CLASP2: variants seen among roughly 807,000 people sequenced by gnomAD.
The protein encoded by CLASP2 is CLIP-associating protein 2.
In CLASP2, 47 loss-of-function variants were observed where a neutral mutation model predicts 194.4. The ratio of observed to expected loss-of-function variants is 0.24; its 90% confidence interval spans 0.19 to 0.31. The LOEUF is 0.31. CLASP2 is among the 10% of genes least tolerant of loss of function. The pLI is 1.00. For synonymous variants in CLASP2, 619 were observed against 633.5 expected, an observed-to-expected ratio of 0.98 and a Z score of 0.34; for missense variants, 1,445 against 1,823.6, an observed-to-expected ratio of 0.79 and a Z score of 3.78.
Position 33,498,708 on chromosome 3 carries a change from G to A in CLASP2, c.4444C>T (p.Leu1482=), listed in dbSNP as rs376114442. The change falls in exon 39 of 39, where the codon CTG becomes TTG. Residue 1482 remains leucine, a synonymous_variant. Coordinates refer to ENST00000682230, the MANE Select transcript of CLASP2 (RefSeq NM_001365631.1). ...TGTGCACGTTTGATGTAAAGATTCA[G>A]TAGCTTCATCTGCAGATTCAAGCCA... ...SQLTGSKMKL[L]NLYIKRAQTG... is the part of the protein sequence containing the mutation. 2.5e-6 allele frequency: 4 copies of A among 1,612,046 alleles called. No individual in the cohort carries two copies. In the African/African-American group the frequency reaches 5.3e-5, roughly 22 times the overall value.
At chr3:33,665,146 C>T (rs1350096473) in intron 6 of CLASP2, among the ~76,000 whole-genome samples, 1 of 151,336 alleles carries the variant, frequency 6.6e-6, no homozygotes, top group Non-Finnish European at 1.5e-5. Context: ...TTTCGGAGAG[C>T]TGTTTGAGAA....
At chr3:33,677,331 T>G (rs1389054909) in intron 6 of CLASP2, among the ~76,000 whole-genome samples, 6 of 150,120 alleles carry the variant, frequency 4.0e-5, no homozygotes, top group African/African-American at 1.5e-4. Context: ...TAGACTGGAT[T>G]AAGAAAATGT....
At chr3:33,711,988 T>C (rs1437305190) in intron 1 of CLASP2, among the ~76,000 whole-genome samples, 1 of 152,162 alleles carries the variant, frequency 6.6e-6, no homozygotes, top group African/African-American at 2.4e-5. Context: ...AGAACTACCA[T>C]TCCATCCAGC....
intron 21 of CLASP2, 142 bp downstream of exon 21, chr3:33,592,253 C>G (rs1235959853): frequency 1.4e-6 from 1 of 725,406 alleles, no homozygotes; most frequent in South Asian, 1.5e-5. Context: ...AAGTACAGAA[C>G]AAGAACTCAG....
intron 7 of CLASP2, among the ~76,000 whole-genome samples, chr3:33,657,241 C>A (rs1455136640): frequency 6.6e-6 from 1 of 152,036 alleles, no homozygotes; most frequent in Non-Finnish European, 1.5e-5. Context: ...GTGACAAAGA[C>A]TAATACGCAG....
intron 12 of CLASP2, among the ~76,000 whole-genome samples, chr3:33,615,469 A>C (rs1225669459): frequency 6.6e-6 from 1 of 151,720 alleles, no homozygotes; most frequent in Non-Finnish European, 1.5e-5. Context: ...TAGTAAAAAA[A>C]CCTTGACCAT....
intron 12 of CLASP2, 53 bp from the exon 13 acceptor site, chr3:33,612,124 CT>C: frequency 8.9e-7 from 1 of 1,118,028 alleles, no homozygotes; most frequent in Non-Finnish European, 1.3e-6. Flanking sequence ...TCATGTGGTC[CT>C]TTCTTCTATT....
At chr3:33,604,320 CTTTTTT>C (rs199958865) in intron 16 of CLASP2, 111 bp from the exon 17 acceptor site, 2 of 572,332 alleles carry the variant, frequency 3.5e-6, no homozygotes, top group African/African-American at 2.1e-5. Context: ...TTTCTTTTTT[CTTTTTT>C]TTTTTTTTTG....
intron 38 of CLASP2, among the ~76,000 whole-genome samples, chr3:33,500,665 A>G (rs979711734): frequency 2.6e-5 from 4 of 152,170 alleles, no homozygotes; most frequent in African/African-American, 9.7e-5. Flanking sequence ...CCGAGTTAAG[A>G]ATTATTGTTA....
chr3:33,616,925 A>G (rs2076285101), intron 12 of CLASP2, among the ~76,000 whole-genome samples: 1 of 151,410 alleles, frequency 6.6e-6, no homozygotes, highest in Non-Finnish European at 1.5e-5. Context: ...TTTTTAGTAG[A>G]GATGGGGTTT....
Position 33,517,117 on chromosome 3 carries a change from T to C in CLASP2, c.3845A>G (p.His1282Arg). ...VAELLKELSN[H>R]NERVEERKIA... ...TTTTCTTTCTTCTACACGCTCATTA[T>C]GGTTAGACAGCTCCTTCAACAACTC... is the stretch of plus-strand genomic sequence containing the variant. The change falls in exon 35 of 39, where the codon CAT becomes CGT. Residue 1282 changes from histidine (H) to arginine (R), a missense_variant. Around this residue, in one of 4 missense-constraint regions of CLASP2, gnomAD observed 732 missense variants for 987.9 expected, o/e 0.74. Coordinates refer to ENST00000682230, the MANE Select transcript of CLASP2 (RefSeq NM_001365631.1). 6.2e-7 allele frequency: 1 copy of C among 1,613,658 alleles called. No homozygotes were observed. The highest frequency in any genetic ancestry group is 8.5e-7 in the Non-Finnish European group (1 of 1,179,766).
At chr3:33,525,510 G>C (rs1013437107) in intron 34 of CLASP2, among the ~76,000 whole-genome samples, 2 of 151,978 alleles carry the variant, frequency 1.3e-5, no homozygotes, top group Non-Finnish European at 2.9e-5. Flanking sequence ...GAGCAACACC[G>C]AGCCAGGGGA....
At chr3:33,508,826 T>G (rs1229374552) in intron 37 of CLASP2, among the ~76,000 whole-genome samples, 1 of 152,252 alleles carries the variant, frequency 6.6e-6, no homozygotes, top group Non-Finnish European at 1.5e-5. Context: ...AGTATCAATA[T>G]AAACTCATGA....
chr3:33,700,066 T>C (rs894427679), intron 1 of CLASP2, among the ~76,000 whole-genome samples: 1 of 77,004 alleles, frequency 1.3e-5, no homozygotes, highest in Non-Finnish European at 3.0e-5. Context: ...AAAAAATACA[T>C]GACAGCAGAC....
chr3:33,513,809 T>G (rs183102014), intron 36 of CLASP2, among the ~76,000 whole-genome samples: 238 of 152,284 alleles, frequency 1.6e-3, no homozygotes, highest in African/African-American at 5.0e-3. Context: ...TTTATTCAGA[T>G]CCTTTGTCCA....
chr3:33,532,852 G>A (rs192643925), intron 34 of CLASP2, among the ~76,000 whole-genome samples: 1,563 of 152,202 alleles, frequency 0.01, 17 homozygotes, highest in Non-Finnish European at 0.016. Context: ...TACTGGCACT[G>A]GCTAATTTCT....
chr3:33,711,502 G>A (rs1034722437), intron 1 of CLASP2, among the ~76,000 whole-genome samples: 4 of 149,798 alleles, frequency 2.7e-5, no homozygotes, highest in Non-Finnish European at 4.4e-5. Flanking sequence ...TCAGGTGATC[G>A]GCCCACTTCA....
chr3:33,671,045 G>A (rs1428713413), intron 6 of CLASP2, among the ~76,000 whole-genome samples: 2 of 151,994 alleles, frequency 1.3e-5, no homozygotes, highest in African/African-American at 4.8e-5. Flanking sequence ...TTTCCACGTG[G>A]AGAAATGGAA....
intron 6 of CLASP2, among the ~76,000 whole-genome samples, chr3:33,679,586 A>G (rs1168731463): frequency 6.6e-6 from 1 of 152,218 alleles, no homozygotes; most frequent in Non-Finnish European, 1.5e-5. Context: ...GATCTGAACA[A>G]ACATCTCACC....
Sources: gnomAD v4.1 joint callset for allele counts (sites outside exome capture counted in the v4.1 genomes callset) on GRCh38, gnomAD v4.1.1 for gene constraint, gnomAD v4.1.1 regional missense constraint, MANE v1.5 for transcripts, NCBI Gene and HGNC (gene_info 2026-07-23, HGNC 2026-07-21) for gene names.